The following ZNF793 variants were observed in gnomAD, a reference collection of about 807,000 sequenced individuals.
The protein encoded by ZNF793 is zinc finger protein 793.
ZNF793 carries 5 observed loss-of-function variants against 12.4 expected under a neutral mutation model. That is an observed-to-expected ratio of 0.40 (90% confidence interval 0.21 to 0.84). The LOEUF (loss-of-function observed/expected upper bound fraction) is 0.84, where lower values mean the gene tolerates loss of function less well. Among genes scored for constraint, ZNF793 ranks in the 40% least tolerant of loss-of-function variants. ZNF793 has a pLI of 0.35. For missense variants in ZNF793, 456 were observed against 495.0 expected (o/e 0.92, Z 0.75); for synonymous variants, 162 against 172.4 (o/e 0.94, Z 0.47).
intron 3 of ZNF793, 58 bp from the exon 4 acceptor site, chr19:37,522,474 A>G (rs143694804): frequency 0.011 from 1,723 of 152,360 alleles, 19 homozygotes; most frequent in Non-Finnish European, 0.017. Context: ...CTGGGATTAC[A>G]GGGGTGAGCC....
chr19:37,527,806 C>T lies in ZNF793; in HGVS notation c.15+4352C>T, dbSNP rs546501055. Among the ~76,000 whole-genome samples the T allele has an allele frequency of 2.6e-5, 4 of 152,262 alleles. No individual in the cohort carries two copies. In the South Asian group the frequency reaches 8.3e-4, roughly 32 times the overall value. The stretch of plus-strand genomic sequence containing the variant: ...GCTGTTATACTCATTGTTACAATTA[C>T]AGCAAAAGCATACAGATTAAAATCA... On this transcript the variant is annotated intron_variant, in intron 5 of 7. Coordinates refer to ENST00000627814, the MANE Select transcript of ZNF793 (RefSeq NM_001013659.3).
chr19:37,518,006 A>G (rs2042346075), intron 2 of ZNF793, among the ~76,000 whole-genome samples: 1 of 152,180 alleles, frequency 6.6e-6, no homozygotes, highest in Non-Finnish European at 1.5e-5. Context: ...ATAGATTCGG[A>G]CTTACATAAT....
chr19:37,509,223 C>T (rs765645180), intron 2 of ZNF793, among the ~76,000 whole-genome samples: 1 of 152,134 alleles, frequency 6.6e-6, no homozygotes, highest in Non-Finnish European at 1.5e-5. Context: ...AATTTCTCAT[C>T]CCTTACCCGC....
chr19:37,525,284 G>A (rs1470008632), intron 5 of ZNF793, among the ~76,000 whole-genome samples: 5 of 151,658 alleles, frequency 3.3e-5, no homozygotes, highest in East Asian at 1.9e-4. Flanking sequence ...GACTACAGGC[G>A]CCTGCCACCA....
rs1489874892 is a variant in ZNF793 at position 37,542,999 on chromosome 19, G to A, written c.*5120G>A. The stretch of plus-strand genomic sequence containing the variant: ...ATCACGGGTGATACCACAAATGTGT[G>A]AGTTAGTAAATTTGGCTGGGGATGG... On this transcript the variant is annotated 3_prime_UTR_variant, in exon 8 of 8. Transcript: ENST00000627814. The A allele has an allele frequency of 6.6e-6, 1 of 152,168 alleles. No individual in the cohort carries two copies. The highest frequency in any genetic ancestry group is 2.4e-5 in the African/African-American group (1 of 41,436). 9.4% of individuals were successfully genotyped at this position (152,168 alleles called of 1,614,324 possible).
At position 37,537,040 on chromosome 19, in the gene ZNF793, G is replaced by A. The variant is rs747292244; in HGVS notation, c.382G>A (p.Asp128Asn). ...KFGKISLLST[D>N]LFSSIQSPSN... is the part of the protein sequence containing the mutation. The stretch of plus-strand genomic sequence containing the variant: ...TGGGAAAATATCACTTCTGAGCACT[G>A]ATCTTTTTTCTTCAATCCAGAGCCC... Residue 128 changes from aspartate to asparagine, a missense_variant, in exon 8 of 8, where the codon GAT becomes AAT. Asp to Asn is a conservative substitution (Grantham distance 23, BLOSUM62 1). Transcript: ENST00000627814. The A allele has an allele frequency of 6.2e-7, 1 of 1,613,924 alleles. No homozygotes were observed. Among genetic ancestry groups the A allele is most frequent in the Non-Finnish European group, 8.5e-7 (1 of 1,179,842 alleles).
chr19:37,533,579 A>C (rs2042479863), intron 7 of ZNF793, 176 bp downstream of exon 7: 3 of 598,156 alleles, frequency 5.0e-6, no homozygotes, highest in Non-Finnish European at 6.0e-6. Context: ...TCTCGGCTCT[A>C]CTTGATTGCA....
rs1248567351 is a variant in ZNF793, at chr19:37,539,005, C to T, written c.*1126C>T. 1 of 152,192 alleles carries T rather than the reference C, an allele frequency of 6.6e-6. No individual in the cohort carries two copies. Among genetic ancestry groups the T allele is most frequent in the Non-Finnish European group, 1.5e-5 (1 of 68,036 alleles). The allele number at this position is 152,192 out of a possible 1,614,324, so 9.4% of individuals were successfully genotyped here. On this transcript the variant is annotated 3_prime_UTR_variant, in exon 8 of 8. Coordinates refer to ENST00000627814, the MANE Select transcript of ZNF793 (RefSeq NM_001013659.3). ...TGTTAAAAGAACTTTATTATACCAGCTACATTTTTCCACCTTTTTGTAATA... is the reference window on the plus strand; with the variant it reads ...TGTTAAAAGAACTTTATTATACCAGTTACATTTTTCCACCTTTTTGTAATA...
In ZNF793 at chr19:37,507,714, A is replaced by G. The variant is rs545679134; in HGVS notation, c.-414-551A>G. ...TGGGAGTGGGACTGTGAGAATCAAC[A>G]ATTGATCCTCAGTCGTTGGGATATC... On this transcript the variant is annotated intron_variant, in intron 1 of 7. Transcript: ENST00000627814. 3.9e-5 allele frequency among the ~76,000 whole-genome samples: 6 copies of G among 152,294 alleles called. No homozygotes were observed. The East Asian group carries it at 7.7e-4, about 20-fold the overall frequency.
At chr19:37,526,978 C>T (rs964081231) in intron 5 of ZNF793, among the ~76,000 whole-genome samples, 6 of 152,152 alleles carry the variant, frequency 3.9e-5, no homozygotes, top group South Asian at 2.1e-4. Flanking sequence ...GATGTTGTCT[C>T]GCTCTGTCGC....
In ZNF793 at chr19:37,540,265, CAAAAAAAAAA is replaced by C. The variant is rs10686444; in HGVS notation, c.*2396_*2405del. Reference sequence around the variant, plus strand: ...CTGGGTGACAAGAGCGAAACTCCGTCAAAAAAAAAAAAAAAAAAAGAAAACTTCAGACCAG... The same window carrying C: ...CTGGGTGACAAGAGCGAAACTCCGTCAAAAAAAAAGAAAACTTCAGACCAG... On this transcript the variant is annotated 3_prime_UTR_variant, in exon 8 of 8. Transcript: ENST00000627814. 2 of 97,436 alleles carry C rather than the reference CAAAAAAAAAA, an allele frequency of 2.1e-5. No individual in the cohort carries two copies. Among genetic ancestry groups the C allele is most frequent in the African/African-American group, 8.1e-5 (2 of 24,762 alleles). 6.0% of individuals were successfully genotyped at this position (97,436 alleles called of 1,614,324 possible). A position where few individuals can be genotyped will look rare whatever the true frequency, so the allele number is the denominator to read the frequency against.
rs1777808140 is a variant in ZNF793, at chr19:37,542,969, A to G, written c.*5090A>G. 1 of 152,142 alleles carries G rather than the reference A, an allele frequency of 6.6e-6. No individual in the cohort carries two copies. The highest frequency in any genetic ancestry group is 1.5e-5 in the Non-Finnish European group (1 of 68,032). 9.4% of individuals were successfully genotyped at this position (152,142 alleles called of 1,614,324 possible). On this transcript the variant is annotated 3_prime_UTR_variant, in exon 8 of 8. Coordinates refer to ENST00000627814, the MANE Select transcript of ZNF793 (RefSeq NM_001013659.3). The stretch of plus-strand genomic sequence containing the variant: ...ACCAAAAAAGAAAAATACATAAATG[A>G]CTGAATCACGGGTGATACCACAAAT...
intron 1 of ZNF793, 168 bp downstream of exon 1, chr19:37,507,134 C>T (rs2042255638): frequency 6.6e-6 from 1 of 152,520 alleles, no homozygotes; most frequent in Non-Finnish European, 1.5e-5. Context: ...GGGTCAATGA[C>T]AAGGGAACTG....
rs1223440263 is a variant in ZNF793 at position 37,542,555 on chromosome 19, A to G, written c.*4676A>G. 8.9e-6 allele frequency: 3 copies of G among 337,564 alleles called. No homozygotes were observed. The highest frequency in any genetic ancestry group is 2.2e-5 in the African/African-American group (1 of 46,510). 20.9% of individuals were successfully genotyped at this position (337,564 alleles called of 1,614,324 possible). On this transcript the variant is annotated 3_prime_UTR_variant, in exon 8 of 8. Transcript: ENST00000627814. ...GTTCTTAATGGCAAAAAAACCCCCA[A>G]AACCAAAGCAAACACTAGAATCAAA...
At position 37,532,443 on chromosome 19, in the gene ZNF793, G is replaced by C; in HGVS notation, c.103G>C (p.Asp35His). Residue 35 changes from aspartate to histidine, a missense_variant, in exon 6 of 8, where the codon GAT becomes CAT. Asp to His is a moderately conservative substitution (Grantham distance 81). Coordinates refer to ENST00000627814, the MANE Select transcript of ZNF793 (RefSeq NM_001013659.3). Reference sequence around the variant, plus strand: ...TCCTGCTCAGAGGGCCCTGTACCGGGATGTGATGCTGGAAACCTATAGCAA... The same window carrying C: ...TCCTGCTCAGAGGGCCCTGTACCGGCATGTGATGCTGGAAACCTATAGCAA... ...LSPAQRALYR[D>H]VMLETYSNLV... 2 of 1,613,172 alleles carry C rather than the reference G, an allele frequency of 1.2e-6. No homozygotes were observed. Among genetic ancestry groups the C allele is most frequent in the Non-Finnish European group, 1.7e-6 (2 of 1,179,608 alleles).
intron 7 of ZNF793, chr19:37,536,556 C>A: frequency 2.4e-6 from 1 of 413,534 alleles, no homozygotes; most frequent in South Asian, 1.0e-4. Context: ...TACATGTTGT[C>A]TATATTTTCA....
Position 37,539,400 on chromosome 19 carries a change from C to G in ZNF793, c.*1521C>G, listed in dbSNP as rs187649798. On this transcript the variant is annotated 3_prime_UTR_variant, in exon 8 of 8. Transcript: ENST00000627814. The stretch of plus-strand genomic sequence containing the variant: ...AGGAGAATTTCTTTTCTCTCTATCC[C>G]TCTGCAAATTAATTCAAGAATATTC... 8 of 152,296 alleles carry G rather than the reference C, an allele frequency of 5.3e-5. No individual in the cohort carries two copies. The East Asian group carries it at 1.5e-3, about 29-fold the overall frequency. The allele number at this position is 152,296 out of a possible 1,614,324, so 9.4% of individuals were successfully genotyped here. A position where few individuals can be genotyped will look rare whatever the true frequency, so the allele number is the denominator to read the frequency against.
At position 37,540,951 on chromosome 19, in the gene ZNF793, C is replaced by T. The variant is rs2042548225; in HGVS notation, c.*3072C>T. The T allele has an allele frequency of 6.7e-6, 1 of 148,714 alleles. No individual in the cohort carries two copies. The highest frequency in any genetic ancestry group is 6.7e-5 in the Admixed American group (1 of 14,880). The allele number at this position is 148,714 out of a possible 1,614,324, so 9.2% of individuals were successfully genotyped here. ...ATCACATGTACCCAATAAATATATA[C>T]AACAATTATATATCTATAATAATTA... On this transcript the variant is annotated 3_prime_UTR_variant, in exon 8 of 8. Transcript: ENST00000627814.
chr19:37,526,877 C>A (rs2042419908), intron 5 of ZNF793, among the ~76,000 whole-genome samples: 1 of 152,230 alleles, frequency 6.6e-6, no homozygotes, highest in Non-Finnish European at 1.5e-5. Flanking sequence ...AATAGAGCTA[C>A]CTACCCTACT....
Sources: gnomAD v4.1 joint callset for allele counts (sites outside exome capture counted in the v4.1 genomes callset) on GRCh38, gnomAD v4.1.1 for gene constraint, MANE v1.5 for transcripts, NCBI Gene and HGNC (gene_info 2026-07-23, HGNC 2026-07-21) for gene names.